TLE4: variants seen among roughly 807,000 people sequenced by gnomAD.
TLE4 encodes the protein transducin-like enhancer protein 4.
TLE4 carries 8 observed loss-of-function variants against 92.8 expected under a neutral mutation model. The ratio of observed to expected loss-of-function variants is 0.09; its 90% CI spans 0.05 to 0.16. TLE4 has a LOEUF of 0.16. TLE4 is among the 10% of genes least tolerant of loss of function. The pLI, the probability that TLE4 is intolerant of heterozygous loss-of-function variation, is 1.00. For missense variants in TLE4, 675 were observed against 997.6 expected, an observed-to-expected ratio of 0.68 and a Z score of 4.36; for synonymous variants, 371 against 374.1, an observed-to-expected ratio of 0.99 and a Z score of 0.10.
chr9:79,713,845 T>C (rs2073910760), intron 14 of TLE4, among the ~76,000 whole-genome samples: 2 of 93,532 alleles, frequency 2.1e-5, no homozygotes, highest in East Asian at 9.3e-4. Flanking sequence ...GGAATAATTG[T>C]TGTTGTTTGT....
chr9:79,680,832 A>G (rs1012753198), intron 8 of TLE4, among the ~76,000 whole-genome samples: 5 of 152,224 alleles, frequency 3.3e-5, no homozygotes, highest in African/African-American at 1.2e-4. Context: ...AGTTTTTAGC[A>G]TGAAGCGTTG....
At chr9:79,663,016 G>T (rs1026763131) in intron 8 of TLE4, among the ~76,000 whole-genome samples, 2 of 148,166 alleles carry the variant, frequency 1.3e-5, no homozygotes, top group Non-Finnish European at 3.0e-5. Context: ...TCTGAGAGTC[G>T]TGACATTTGT....
chr9:79,686,728 A>G (rs1318390125), intron 8 of TLE4, among the ~76,000 whole-genome samples: 12 of 152,172 alleles, frequency 7.9e-5, no homozygotes, highest in Non-Finnish European at 1.6e-4. Flanking sequence ...GGTCCTGCCA[A>G]TGCCTTGTTT....
intron 8 of TLE4, among the ~76,000 whole-genome samples, chr9:79,664,534 T>A (rs4339716): frequency 1.3e-5 from 2 of 152,070 alleles, no homozygotes; most frequent in African/African-American, 4.8e-5. Context: ...ATAAAATCTG[T>A]TAGTAACCTA....
At chr9:79,634,215 C>A (rs2055105846) in intron 6 of TLE4, among the ~76,000 whole-genome samples, 1 of 152,032 alleles carries the variant, frequency 6.6e-6, no homozygotes, top group Admixed American at 6.6e-5. Flanking sequence ...CTGAAATGAT[C>A]CTCAAGTTAC....
intron 5 of TLE4, among the ~76,000 whole-genome samples, chr9:79,625,792 A>G (rs2052466222): frequency 6.6e-6 from 1 of 151,890 alleles, no homozygotes; most frequent in African/African-American, 2.4e-5. Context: ...TACTTGCTTC[A>G]GAGAAAGAAA....
At chr9:79,678,713 T>C (rs558452341) in intron 8 of TLE4, among the ~76,000 whole-genome samples, 46 of 152,194 alleles carry the variant, frequency 3.0e-4, no homozygotes, top group Admixed American at 5.2e-4. Context: ...GTTGGTGTAC[T>C]GCATCCATTA....
At chr9:79,596,107 A>C (rs893474681) in intron 4 of TLE4, among the ~76,000 whole-genome samples, 11 of 152,054 alleles carry the variant, frequency 7.2e-5, no homozygotes, top group African/African-American at 2.4e-4. Context: ...TGGCCTCCCA[A>C]AGTGCTGGGA....
At chr9:79,679,822 G>A (rs1183712055) in intron 8 of TLE4, among the ~76,000 whole-genome samples, 1 of 152,064 alleles carries the variant, frequency 6.6e-6, no homozygotes, top group African/African-American at 2.4e-5. Context: ...TCCAGTTTCA[G>A]CTTTCTACAT....
chr9:79,610,935 G>A (rs563250858), intron 4 of TLE4, among the ~76,000 whole-genome samples: 1 of 148,124 alleles, frequency 6.8e-6, no homozygotes, highest in African/African-American at 2.5e-5. Flanking sequence ...TTTTATTTAT[G>A]TAAACAACAT....
chr9:79,614,927 T>C (rs142260368), intron 5 of TLE4, among the ~76,000 whole-genome samples: 1 of 152,214 alleles, frequency 6.6e-6, no homozygotes, highest in Non-Finnish European at 1.5e-5. Context: ...ACCCGTGATC[T>C]ATGCCATGGT....
Position 79,708,690 on chromosome 9 carries a change from C to A in TLE4, c.1167C>A (p.Pro389=). Reference sequence around the variant, plus strand: ...GAATGAACGGAGAGCTGACCAGCCCCGGAGCGGCCTACGCTGGGCTCCACA... The same window carrying A: ...GAATGAACGGAGAGCTGACCAGCCCAGGAGCGGCCTACGCTGGGCTCCACA... ...HAGMNGELTS[P]GAAYAGLHNI... is the part of the protein sequence containing the mutation. Residue 389 remains proline, a synonymous_variant, in exon 13 of 20, where the codon CCC becomes CCA. Transcript: ENST00000376552. The A allele has an allele frequency of 6.2e-7, 1 of 1,613,810 alleles. No homozygotes were observed. Among genetic ancestry groups the A allele is most frequent in the Non-Finnish European group, 8.5e-7 (1 of 1,180,034 alleles).
chr9:79,645,657 T>C (rs2057988792), intron 6 of TLE4, among the ~76,000 whole-genome samples: 1 of 152,232 alleles, frequency 6.6e-6, no homozygotes. Flanking sequence ...AAAAGACCTA[T>C]TAACAGCATT....
chr9:79,719,408 A>G (rs1294793125), intron 15 of TLE4, among the ~76,000 whole-genome samples: 1 of 151,802 alleles, frequency 6.6e-6, no homozygotes, highest in African/African-American at 2.4e-5. Context: ...AGTTTAGTAG[A>G]ATTTTTGCTA....
chr9:79,580,170 G>A (rs2039238622), intron 4 of TLE4: 1 of 152,196 alleles, frequency 6.6e-6, no homozygotes, highest in South Asian at 2.1e-4. Flanking sequence ...CGGGCCCTCA[G>A]CAATTTGTTG....
chr9:79,606,649 A>T (rs943779683), intron 4 of TLE4, among the ~76,000 whole-genome samples: 1 of 151,970 alleles, frequency 6.6e-6, no homozygotes, highest in African/African-American at 2.4e-5. Context: ...TCCTTGTGAT[A>T]GTTTGCTTAG....
chr9:79,662,669 A>C (rs1481844869), intron 8 of TLE4, among the ~76,000 whole-genome samples: 5 of 152,180 alleles, frequency 3.3e-5, no homozygotes, highest in Admixed American at 6.5e-5. Flanking sequence ...CCTTCGATGT[A>C]AACAAATAAC....
chr9:79,627,303 T>C, intron 5 of TLE4, 71 bp from the exon 6 acceptor site: 1 of 1,492,398 alleles, frequency 6.7e-7, no homozygotes, highest in Admixed American at 1.7e-5. Context: ...TTAGAGGACA[T>C]GTTAGGAAAA....
Position 79,572,729 on chromosome 9 carries a change from G to A in TLE4, c.-62G>A. The A allele has an allele frequency of 3.2e-6, 5 of 1,563,916 alleles. No homozygotes were observed. The South Asian group carries it at 5.7e-5, about 18-fold the overall frequency. ...CCGCTGCCGCGGCCGCCTCCTCTTC[G>A]GGGTCATTAAAGCCAATGAGCCGCG... On this transcript the variant is annotated 5_prime_UTR_variant, in exon 1 of 20. Transcript: ENST00000376552.
Sources: gnomAD v4.1 joint callset for allele counts (sites outside exome capture counted in the v4.1 genomes callset) on GRCh38, gnomAD v4.1.1 for gene constraint, MANE v1.5 for transcripts, NCBI Gene and HGNC (gene_info 2026-07-23, HGNC 2026-07-21) for gene names.